The following SCN2A variants were observed in gnomAD, a reference collection of about 807,000 sequenced individuals.
SCN2A encodes sodium voltage-gated channel alpha subunit 2.
In SCN2A, 20 loss-of-function variants were observed where a neutral mutation model predicts 188.7. The ratio of observed to expected loss-of-function variants is 0.11; its 90% CI spans 0.07 to 0.15. The LOEUF (loss-of-function observed/expected upper bound fraction) is 0.15. Among genes scored for constraint, SCN2A ranks in the 10% least tolerant of loss-of-function variants. The pLI, the probability that SCN2A is intolerant of heterozygous loss-of-function variation, is 1.00. For synonymous variants in SCN2A, 804 were observed against 833.1 expected, an observed-to-expected ratio of 0.97 and a Z score of 0.60; for missense variants, 1,278 against 2,445.0, an observed-to-expected ratio of 0.52 and a Z score of 10.07.
rs1057518350 is a variant in SCN2A at position 165,314,076 on chromosome 2, G to A, written c.1351G>A (p.Glu451Lys). Residue 451 changes from glutamate (E) to lysine (K), a missense_variant, in exon 10 of 27, where the codon GAA (glutamate) becomes AAA (lysine). Coordinates refer to ENST00000375437, the MANE Select transcript of SCN2A (RefSeq NM_001040142.2). Reference protein sequence around the residue: ...QKEAEFQQMLEQLKKQQEEAQ... With the variant: ...QKEAEFQQMLKQLKKQQEEAQ... ...GGAAGCTGAATTTCAGCAGATGCTC[G>A]AACAGTTGAAAAAGCAACAAGAAGA... 2.5e-6 allele frequency: 4 copies of A among 1,613,410 alleles called. No individual in the cohort carries two copies. The highest frequency in any genetic ancestry group is 2.2e-5 in the South Asian group (2 of 91,052).
At chr2:165,270,372 A>G (rs767951532) in intron 1 of SCN2A, 3 of 151,652 alleles carry the variant, frequency 2.0e-5, no homozygotes, top group Non-Finnish European at 4.4e-5. Context: ...TTGCTTATCC[A>G]CTCTTACAGC....
At chr2:165,355,635 C>T (rs750899271) in intron 17 of SCN2A, among the ~76,000 whole-genome samples, 8 of 151,712 alleles carry the variant, frequency 5.3e-5, no homozygotes, top group Non-Finnish European at 1.0e-4. Flanking sequence ...TTCCTGATGT[C>T]GGGAAAGAAA....
chr2:165,353,942 A>T (rs1391124549), intron 16 of SCN2A, among the ~76,000 whole-genome samples: 2 of 152,152 alleles, frequency 1.3e-5, no homozygotes, highest in Admixed American at 1.3e-4. Flanking sequence ...GCTTAATAGA[A>T]ATGTTTCATT....
intron 25 of SCN2A, among the ~76,000 whole-genome samples, chr2:165,384,595 C>G (rs1356034353): frequency 6.6e-6 from 1 of 152,072 alleles, no homozygotes; most frequent in Non-Finnish European, 1.5e-5. Flanking sequence ...TTACTATACT[C>G]TAGGAGCCAT....
intron 1 of SCN2A, among the ~76,000 whole-genome samples, chr2:165,275,998 G>T (rs1695324451): frequency 6.6e-6 from 1 of 152,124 alleles, no homozygotes; most frequent in African/African-American, 2.4e-5. Context: ...CTCCCAAAGT[G>T]CTGGGATGGC....
At chr2:165,375,650 C>T (rs1160340293) in intron 22 of SCN2A, among the ~76,000 whole-genome samples, 2 of 151,926 alleles carry the variant, frequency 1.3e-5, no homozygotes, top group Admixed American at 6.6e-5. Context: ...AGTAAATGCG[C>T]TTGAATGTAT....
At chr2:165,327,275 T>A (rs926609626) in intron 13 of SCN2A, 9 of 388,768 alleles carry the variant, frequency 2.3e-5, no homozygotes, top group Admixed American at 1.9e-4. Context: ...TTGAAAAGAG[T>A]GTAATGATAA....
chr2:165,352,581 C>T (rs1019222946), intron 16 of SCN2A, among the ~76,000 whole-genome samples: 4 of 152,116 alleles, frequency 2.6e-5, no homozygotes, highest in Non-Finnish European at 5.9e-5. Flanking sequence ...ATCCAAAATG[C>T]TCGGAAGTTC....
At chr2:165,373,372 G>A (rs1162351785) in intron 21 of SCN2A, 25 bp downstream of exon 21, 1 of 1,612,030 alleles carries the variant, frequency 6.2e-7, no homozygotes, top group African/African-American at 1.3e-5. Flanking sequence ...CTTAGAGTTT[G>A]TCAGAATTAT....
intron 1 of SCN2A, among the ~76,000 whole-genome samples, chr2:165,276,076 C>T (rs750223522): frequency 1.3e-5 from 2 of 151,996 alleles, no homozygotes; most frequent in Non-Finnish European, 2.9e-5. Context: ...GTATTTTGAC[C>T]AAAGAACCAC....
intron 25 of SCN2A, among the ~76,000 whole-genome samples, chr2:165,383,620 G>A (rs947676496): frequency 6.6e-6 from 1 of 152,154 alleles, no homozygotes. Flanking sequence ...TTGTAGACTT[G>A]TTTTGGAGCT....
At chr2:165,359,397 C>T (rs1227689799) in intron 17 of SCN2A, among the ~76,000 whole-genome samples, 1 of 151,990 alleles carries the variant, frequency 6.6e-6, no homozygotes, top group East Asian at 1.9e-4. Flanking sequence ...TGCCAATTTC[C>T]TGTTTAGAAA....
chr2:165,355,680 G>A (rs1700143465), intron 17 of SCN2A, among the ~76,000 whole-genome samples: 1 of 152,026 alleles, frequency 6.6e-6, no homozygotes, highest in South Asian at 2.1e-4. Flanking sequence ...GCACTGAAAG[G>A]TAAAATTTAA....
chr2:165,244,030 T>G (rs1009147529), intron 1 of SCN2A, among the ~76,000 whole-genome samples: 1 of 152,002 alleles, frequency 6.6e-6, no homozygotes, highest in Non-Finnish European at 1.5e-5. Context: ...TCACCTGAGG[T>G]CAGGAGTTCT....
At chr2:165,316,746 G>A (rs955908774) in intron 11 of SCN2A, among the ~76,000 whole-genome samples, 1 of 152,170 alleles carries the variant, frequency 6.6e-6, no homozygotes, top group Non-Finnish European at 1.5e-5. Flanking sequence ...TTTATGCTTG[G>A]CATTCTTTCT....
Position 165,354,084 on chromosome 2 carries a change from C to A in SCN2A, c.2920-108C>A, listed in dbSNP as rs1292840384. ...AGTGTATCATGAATTAGCAGAAATGCATGTTAGAATAAAATAAGGTGTCAA... is the reference window on the plus strand; with the variant it reads ...AGTGTATCATGAATTAGCAGAAATGAATGTTAGAATAAAATAAGGTGTCAA... On this transcript the variant is annotated intron_variant, in intron 16 of 26. Transcript: ENST00000375437. The A allele has an allele frequency of 3.8e-6, 5 of 1,315,498 alleles. 1 individual carries two copies. In the East Asian group the frequency reaches 1.2e-4, roughly 30 times the overall value. The allele number at this position is 1,315,498 out of a possible 1,614,324, so 81.5% of individuals were successfully genotyped here.
chr2:165,284,918 A>C (rs747038623), intron 1 of SCN2A, among the ~76,000 whole-genome samples: 1 of 152,202 alleles, frequency 6.6e-6, no homozygotes, highest in Non-Finnish European at 1.5e-5. Flanking sequence ...AATACATCTG[A>C]AGATTTTAAA....
At chr2:165,277,680 T>C (rs1040441533) in intron 1 of SCN2A, among the ~76,000 whole-genome samples, 1 of 152,224 alleles carries the variant, frequency 6.6e-6, no homozygotes, top group Non-Finnish European at 1.5e-5. Flanking sequence ...TGGATTTGTC[T>C]GCTCAGAACT....
chr2:165,355,616 A>G (rs1410636558), intron 17 of SCN2A, among the ~76,000 whole-genome samples: 1 of 152,152 alleles, frequency 6.6e-6, no homozygotes, highest in South Asian at 2.1e-4. Flanking sequence ...AGGAAGATAA[A>G]AGCTTCTATT....
Sources: gnomAD v4.1 joint callset for allele counts (sites outside exome capture counted in the v4.1 genomes callset) on GRCh38, gnomAD v4.1.1 for gene constraint, MANE v1.5 for transcripts, NCBI Gene and HGNC (gene_info 2026-07-23, HGNC 2026-07-21) for gene names.